Variants in ANO4 observed in about 807,000 individuals in gnomAD.
The protein encoded by ANO4 is anoctamin-4.
In ANO4, 69 loss-of-function variants were observed where a neutral mutation model predicts 141.9. The observed-to-expected ratio is 0.49, with a 90% CI of 0.40 to 0.59. The LOEUF (loss-of-function observed/expected upper bound fraction) is 0.59. Among genes scored for constraint, ANO4 ranks in the 20% least tolerant of loss-of-function variants. ANO4 has a pLI of 0.00. For missense variants in ANO4, 894 were observed against 1,162.2 expected, an observed-to-expected ratio of 0.77 and a Z score of 3.36; for synonymous variants, 350 against 394.3, an observed-to-expected ratio of 0.89 and a Z score of 1.33.
At chr12:100,876,332 T>A (rs2039307612) in intron 1 of ANO4, among the ~76,000 whole-genome samples, 1 of 148,062 alleles carries the variant, frequency 6.8e-6, no homozygotes, top group Admixed American at 6.7e-5. Flanking sequence ...GCTAGTGATG[T>A]CGACAAGAGC....
At chr12:100,731,348 C>A (rs2031372565) in intron 1 of ANO4, among the ~76,000 whole-genome samples, 1 of 152,070 alleles carries the variant, frequency 6.6e-6, no homozygotes, top group Non-Finnish European at 1.5e-5. Flanking sequence ...CACTTATACC[C>A]TATGTTAATT....
At chr12:100,739,467 C>G (rs2031768133) in intron 2 of ANO4, among the ~76,000 whole-genome samples, 2 of 152,114 alleles carry the variant, frequency 1.3e-5, no homozygotes, top group Non-Finnish European at 2.9e-5. Context: ...AGGTTGAGAT[C>G]CAGTTTTCTC....
chr12:100,933,363 T>C (rs1033671860), intron 3 of ANO4, among the ~76,000 whole-genome samples: 25 of 152,174 alleles, frequency 1.6e-4, no homozygotes, highest in Admixed American at 7.2e-4. Context: ...AGTGAGAGCA[T>C]GCGGTGTTTG....
chr12:101,046,486 T>C (rs979426489), intron 13 of ANO4, among the ~76,000 whole-genome samples: 39 of 152,098 alleles, frequency 2.6e-4, no homozygotes, highest in African/African-American at 9.2e-4. Flanking sequence ...ACAACCTACC[T>C]CTCCCCACAC....
chr12:101,126,220 AT>A (rs1389164649), intron 26 of ANO4, among the ~76,000 whole-genome samples: 1 of 152,202 alleles, frequency 6.6e-6, no homozygotes, highest in Non-Finnish European at 1.5e-5. Flanking sequence ...TTTAGTCTCT[AT>A]TTAATACTTT....
intron 7 of ANO4, among the ~76,000 whole-genome samples, chr12:100,976,382 C>T (rs937822061): frequency 7.2e-5 from 11 of 152,194 alleles, no homozygotes; most frequent in East Asian, 1.9e-4. Context: ...AAATTGCCTG[C>T]GAGCAAGCTT....
At chr12:100,894,897 C>T (rs1038647762) in intron 1 of ANO4, among the ~76,000 whole-genome samples, 17 of 145,384 alleles carry the variant, frequency 1.2e-4, no homozygotes, top group African/African-American at 4.4e-4. Flanking sequence ...ACCCGGGAGG[C>T]GGAGCTTGCA....
At chr12:100,825,697 A>G (rs1362162802) in intron 1 of ANO4, among the ~76,000 whole-genome samples, 1 of 152,060 alleles carries the variant, frequency 6.6e-6, no homozygotes, top group African/African-American at 2.4e-5. Flanking sequence ...AAAATTTGGA[A>G]CACTTAATTA....
chr12:100,899,776 A>G (rs533244366), intron 1 of ANO4, among the ~76,000 whole-genome samples: 2 of 152,092 alleles, frequency 1.3e-5, no homozygotes, highest in South Asian at 4.2e-4. Flanking sequence ...TTTTTAGTAG[A>G]CTTCTTATTG....
At chr12:101,010,419 A>T (rs1007740951) in intron 8 of ANO4, among the ~76,000 whole-genome samples, 14 of 152,204 alleles carry the variant, frequency 9.2e-5, no homozygotes, top group Non-Finnish European at 4.4e-5. Flanking sequence ...TGTCATCCTG[A>T]TCTAAAAAAA....
chr12:101,118,506 A>G (rs1268908360), intron 25 of ANO4, among the ~76,000 whole-genome samples: 1 of 152,202 alleles, frequency 6.6e-6, no homozygotes, highest in Non-Finnish European at 1.5e-5. Context: ...GTTTTCAGTC[A>G]TATAGCAGGT....
At chr12:101,051,958 T>C (rs2047890933) in intron 14 of ANO4, among the ~76,000 whole-genome samples, 1 of 152,196 alleles carries the variant, frequency 6.6e-6, no homozygotes, top group African/African-American at 2.4e-5. Flanking sequence ...CAGGATCATC[T>C]CTTATGATCG....
intron 22 of ANO4, among the ~76,000 whole-genome samples, chr12:101,105,039 G>C (rs963090459): frequency 1.3e-5 from 2 of 152,130 alleles, no homozygotes; most frequent in Non-Finnish European, 2.9e-5. Flanking sequence ...GCAACACTTT[G>C]AGGATATGAT....
chr12:100,878,328 G>T (rs2039412609), intron 1 of ANO4, among the ~76,000 whole-genome samples: 1 of 152,210 alleles, frequency 6.6e-6, no homozygotes, highest in Admixed American at 6.5e-5. Context: ...AATTCAGTGA[G>T]ATAGTATATG....
intron 3 of ANO4, among the ~76,000 whole-genome samples, chr12:100,925,313 T>G (rs2136115289): frequency 6.6e-6 from 1 of 152,180 alleles, no homozygotes; most frequent in East Asian, 1.9e-4. Flanking sequence ...GAGACCATCG[T>G]TAAGTGTGTA....
intron 14 of ANO4, among the ~76,000 whole-genome samples, chr12:101,062,997 C>A (rs1468555241): frequency 6.6e-6 from 1 of 152,246 alleles, no homozygotes; most frequent in Non-Finnish European, 1.5e-5. Context: ...GTGCTTGAAA[C>A]CCAGGGCCCT....
intron 8 of ANO4, among the ~76,000 whole-genome samples, chr12:100,990,354 C>T (rs954455250): frequency 5.3e-5 from 8 of 152,028 alleles, no homozygotes; most frequent in African/African-American, 1.9e-4. Context: ...TACTTCTCAG[C>T]GTGATTCTTA....
At chr12:100,858,043 G>A (rs1565942456) in intron 1 of ANO4, among the ~76,000 whole-genome samples, 2 of 152,102 alleles carry the variant, frequency 1.3e-5, no homozygotes, top group African/African-American at 2.4e-5. Flanking sequence ...TGATATTGAG[G>A]ACTTCATGAG....
chr12:100,734,761 G>A (rs1489658625), intron 2 of ANO4, among the ~76,000 whole-genome samples: 1 of 152,166 alleles, frequency 6.6e-6, no homozygotes, highest in Non-Finnish European at 1.5e-5. Context: ...CCTATGCAAA[G>A]CATTAATGAT....
Sources: allele counts gnomAD v4.1 joint callset (sites outside exome capture counted in the v4.1 genomes callset), GRCh38; gene constraint gnomAD v4.1.1; transcripts MANE v1.5; gene names NCBI Gene and HGNC (gene_info 2026-07-23, HGNC 2026-07-21).